CPEB4: variants seen among roughly 807,000 people sequenced by gnomAD.
CPEB4 encodes cytoplasmic polyadenylation element-binding protein 4.
In CPEB4, 12 loss-of-function variants were observed where a neutral mutation model predicts 72.5. The ratio of observed to expected loss-of-function variants is 0.17; its 90% CI spans 0.11 to 0.27. CPEB4 has a LOEUF of 0.27. Ranked by LOEUF, CPEB4 falls within the 10% of genes least tolerant of loss-of-function variation. The pLI, the probability that CPEB4 is intolerant of heterozygous loss-of-function variation, is 1.00. For missense variants in CPEB4, 614 were observed against 908.5 expected (o/e 0.68, Z 4.17); for synonymous variants, 302 against 326.3 (o/e 0.93, Z 0.80).
chr5:173,900,673 AG>A lies in CPEB4; in HGVS notation c.1125+9817del, dbSNP rs1756199814. Among the ~76,000 whole-genome samples, 1 of 152,242 alleles carries A rather than the reference AG, an allele frequency of 6.6e-6. No individual in the cohort carries two copies. Among genetic ancestry groups the A allele is most frequent in the Non-Finnish European group, 1.5e-5 (1 of 68,036 alleles). ...ATATTTTGATTATCTCTATGAAAAC[AG>A]GTTATAGAAAATAGCACAGAATCAC... On this transcript the variant is annotated intron_variant, in intron 1 of 9. Transcript: ENST00000265085. This position sits in a 1 kb window ranked among gnomAD's most constrained non-coding sequence, Gnocchi z 4.4.
chr5:173,927,849 A>G (rs2113225092), intron 2 of CPEB4, among the ~76,000 whole-genome samples: 1 of 152,336 alleles, frequency 6.6e-6, no homozygotes, highest in East Asian at 1.9e-4. Context: ...GTGCACATAG[A>G]TGTTTATGAC....
chr5:173,915,559 A>C (rs1273731283), intron 2 of CPEB4, among the ~76,000 whole-genome samples: 1 of 152,144 alleles, frequency 6.6e-6, no homozygotes, highest in African/African-American at 2.4e-5. Flanking sequence ...TTTGCTGCAC[A>C]CTCAGTCTCA....
intron 2 of CPEB4, among the ~76,000 whole-genome samples, chr5:173,919,640 C>T (rs1461676649): frequency 6.6e-6 from 1 of 152,194 alleles, no homozygotes; most frequent in Non-Finnish European, 1.5e-5. Flanking sequence ...TTAAGGCTTT[C>T]CTTGATCTTG....
rs148175731 is a variant in CPEB4, at chr5:173,930,392, GCTCGTAGCAT to G, written c.1208-2054_1208-2045del. Among the ~76,000 whole-genome samples, 207 of 152,180 alleles carry G rather than the reference GCTCGTAGCAT, an allele frequency of 1.4e-3. 1 individual carries two copies. In the East Asian group the frequency reaches 0.038, roughly 28 times the overall value. ...AAGTTTTTAACAGGGTCATGTTCTTGCTCGTAGCATCTCAAGTCTATCCTTTTAAAAATAC... is the reference window on the plus strand; with the variant it reads ...AAGTTTTTAACAGGGTCATGTTCTTGCTCAAGTCTATCCTTTTAAAAATAC... On this transcript the variant is annotated intron_variant, in intron 2 of 9. Transcript: ENST00000265085.
chr5:173,951,774 A>G (rs764647078), intron 7 of CPEB4, 50 bp from the exon 8 acceptor site: 10 of 1,077,208 alleles, frequency 9.3e-6, no homozygotes, highest in Non-Finnish European at 1.3e-5. Context: ...TTTTTTGCCC[A>G]TGAATTGTCT....
rs577299031 is a variant in CPEB4, at chr5:173,928,730, T to C, written c.1208-3720T>C. Among the ~76,000 whole-genome samples, 4 of 152,256 alleles carry C rather than the reference T, an allele frequency of 2.6e-5. No homozygotes were observed. The East Asian group carries it at 5.8e-4, about 22-fold the overall frequency. ...AAAGTACGAGAGTGCAAAAAGGTTGTAGATAACCAAATTCCCATGGCACTT... is the reference window on the plus strand; with the variant it reads ...AAAGTACGAGAGTGCAAAAAGGTTGCAGATAACCAAATTCCCATGGCACTT... On this transcript the variant is annotated intron_variant, in intron 2 of 9. Coordinates refer to ENST00000265085, the MANE Select transcript of CPEB4 (RefSeq NM_030627.4).
chr5:173,935,393 A>G (rs573501084), intron 3 of CPEB4, among the ~76,000 whole-genome samples: 2 of 152,160 alleles, frequency 1.3e-5, no homozygotes, highest in Non-Finnish European at 2.9e-5. Flanking sequence ...ATGTCACTTT[A>G]TAGTCATTGT....
At chr5:173,924,406 A>G (rs1018148389) in intron 2 of CPEB4, among the ~76,000 whole-genome samples, 1 of 152,220 alleles carries the variant, frequency 6.6e-6, no homozygotes, top group Admixed American at 6.5e-5. Flanking sequence ...GACACTAGCA[A>G]ATTCTCATTT....
chr5:173,888,644 G>A lies in CPEB4; in HGVS notation c.-1090G>A, dbSNP rs1755694096. On this transcript the variant is annotated 5_prime_UTR_variant, in exon 1 of 10. Coordinates refer to ENST00000265085, the MANE Select transcript of CPEB4 (RefSeq NM_030627.4). This position sits in a 1 kb window ranked among gnomAD's most constrained non-coding sequence, Gnocchi z 4.3. ...AAAGAGAGAGAAAGCCGAGGGGGGA[G>A]GCCCTTCTCCTTTAAAATAACTACG... The A allele has an allele frequency of 2.5e-6, 1 of 400,852 alleles. No homozygotes were observed. Among genetic ancestry groups the A allele is most frequent in the Non-Finnish European group, 4.4e-6 (1 of 227,168 alleles). The allele number at this position is 400,852 out of a possible 1,614,324, so 24.8% of individuals were successfully genotyped here.
chr5:173,932,758 G>A (rs907154223), intron 3 of CPEB4, among the ~76,000 whole-genome samples: 1 of 152,088 alleles, frequency 6.6e-6, no homozygotes, highest in Admixed American at 6.6e-5. Flanking sequence ...CCTAAAGATT[G>A]GCTTTATCTA....
Position 173,888,748 on chromosome 5 carries a change from T to A in CPEB4, c.-986T>A. 1 of 383,516 alleles carries A rather than the reference T, an allele frequency of 2.6e-6. No individual in the cohort carries two copies. The highest frequency in any genetic ancestry group is 4.6e-6 in the Non-Finnish European group (1 of 216,884). The allele number at this position is 383,516 out of a possible 1,614,324, so 23.8% of individuals were successfully genotyped here. A position where few individuals can be genotyped will look rare whatever the true frequency, so the allele number is the denominator to read the frequency against. On this transcript the variant is annotated 5_prime_UTR_variant, in exon 1 of 10. Transcript: ENST00000265085. The surrounding 1 kb of genome is among the most constrained non-coding windows in gnomAD (Gnocchi z 4.3). ...CTGAGGGAACTGAACAAACCGCCCC[T>A]GGGTCCCATGAGGGAAAAAAACCCC...
At chr5:173,926,185 C>T (rs1167452546) in intron 2 of CPEB4, among the ~76,000 whole-genome samples, 1 of 152,058 alleles carries the variant, frequency 6.6e-6, no homozygotes, top group African/African-American at 2.4e-5. Context: ...TTTATTATTT[C>T]CTGTTGAATT....
intron 2 of CPEB4, among the ~76,000 whole-genome samples, chr5:173,922,295 A>G (rs1249281878): frequency 2.0e-5 from 3 of 152,078 alleles, no homozygotes; most frequent in Non-Finnish European, 4.4e-5. Flanking sequence ...CAGTGGCACA[A>G]TCTTGGCTCA....
intron 3 of CPEB4, among the ~76,000 whole-genome samples, chr5:173,935,404 T>TAAA (rs1757584809): frequency 6.6e-6 from 1 of 152,224 alleles, no homozygotes; most frequent in South Asian, 2.1e-4. Context: ...TAGTCATTGT[T>TAAA]TAATTTTAAG....
chr5:173,908,627 G>T (rs1463284904), intron 1 of CPEB4, among the ~76,000 whole-genome samples: 2 of 152,136 alleles, frequency 1.3e-5, no homozygotes. Context: ...ATCATGTGGG[G>T]TAAGATGTGT....
intron 3 of CPEB4, among the ~76,000 whole-genome samples, chr5:173,937,303 A>G (rs556432027): frequency 6.6e-6 from 1 of 152,278 alleles, no homozygotes; most frequent in Non-Finnish European, 1.5e-5. Context: ...TCGGCCTTCC[A>G]AAGTGCTGGG....
chr5:173,890,621 C>T lies in CPEB4; in HGVS notation c.888C>T (p.Ser296=). 6.2e-7 allele frequency: 1 copy of T among 1,614,016 alleles called. No homozygotes were observed. Among genetic ancestry groups the T allele is most frequent in the East Asian group, 2.2e-5 (1 of 44,890 alleles). ...SSYQSPSPTP[S]SSWSPGGGGY... is the part of the protein sequence containing the mutation. ...ACCAGAGTCCGTCACCAACACCCTC[C>T]TCTTCCTGGAGCCCGGGCGGTGGTG... Residue 296 remains serine, a synonymous_variant, in exon 1 of 10, where the codon TCC becomes TCT. Coordinates refer to ENST00000265085, the MANE Select transcript of CPEB4 (RefSeq NM_030627.4).
chr5:173,937,344 A>G (rs1165701289), intron 3 of CPEB4, among the ~76,000 whole-genome samples: 1 of 152,064 alleles, frequency 6.6e-6, no homozygotes, highest in Non-Finnish European at 1.5e-5. Flanking sequence ...CACCCGGCCC[A>G]ACATCTCTTA....
intron 2 of CPEB4, among the ~76,000 whole-genome samples, chr5:173,919,460 C>A (rs942826840): frequency 2.6e-5 from 4 of 152,206 alleles, no homozygotes; most frequent in African/African-American, 9.6e-5. Flanking sequence ...TGTGCCACAT[C>A]TAAATTAATA....
Sources: gnomAD v4.1 joint callset for allele counts (sites outside exome capture counted in the v4.1 genomes callset) on GRCh38, gnomAD v4.1.1 for gene constraint, Gnocchi (gnomAD v3.1) non-coding constraint, MANE v1.5 for transcripts, NCBI Gene and HGNC (gene_info 2026-07-23, HGNC 2026-07-21) for gene names.